Variants in ZNF792 observed in about 807,000 individuals in gnomAD.
The protein encoded by ZNF792 is zinc finger protein 792.
ZNF792 carries 14 observed loss-of-function variants against 13.1 expected under a neutral mutation model. The ratio of observed to expected loss-of-function variants is 1.07; its 90% CI spans 0.71 to 1.67. The LOEUF (loss-of-function observed/expected upper bound fraction) is 1.67, where lower values mean the gene tolerates loss of function less well. Ranked by LOEUF, ZNF792 falls within the 40% of genes most tolerant of loss-of-function variation. The pLI is 0.00. For synonymous variants in ZNF792, 257 were observed against 292.0 expected, an observed-to-expected ratio of 0.88 and a Z score of 1.22; for missense variants, 740 against 807.9, an observed-to-expected ratio of 0.92 and a Z score of 1.02.
In ZNF792 at chr19:34,960,290, G is replaced by C. The variant is rs762692813; in HGVS notation, c.228C>G (p.Asp76Glu). The change falls in exon 3 of 4, where the codon GAC becomes GAG. Residue 76 changes from aspartate (D) to glutamate (E), a missense_variant. Coordinates refer to ENST00000404801, the MANE Select transcript of ZNF792 (RefSeq NM_175872.5). ...CCATGGCTGATGTCATATCCACACT[G>C]TCAGGCACCCAGGGCTCTTTCCCCA... ...LEMGKEPWVP[D>E]SVDMTSAMAR... is the part of the protein sequence containing the mutation. 3 of 1,613,820 alleles carry C rather than the reference G, an allele frequency of 1.9e-6. No homozygotes were observed. Among genetic ancestry groups the C allele is most frequent in the Admixed American group, 3.3e-5 (2 of 60,006 alleles).
intron 1 of ZNF792, among the ~76,000 whole-genome samples, chr19:34,962,377 A>T (rs2013542144): frequency 6.6e-6 from 1 of 152,186 alleles, no homozygotes; most frequent in Non-Finnish European, 1.5e-5. Flanking sequence ...CCCTGGTTGG[A>T]GGCTCCTGTT....
rs1314644484 is a variant in ZNF792, at chr19:34,957,067, G to T, written c.*889C>A. On this transcript the variant is annotated 3_prime_UTR_variant, in exon 4 of 4. Transcript: ENST00000404801. ...TTCTGTACAAATTATGGTCCCAGCT[G>T]GGCCTGGTATGTCTTACAGTTAAGA... The T allele has an allele frequency of 2.0e-5, 3 of 152,176 alleles. No individual in the cohort carries two copies. The highest frequency in any genetic ancestry group is 2.9e-5 in the Non-Finnish European group (2 of 68,046). 9.4% of individuals were successfully genotyped at this position (152,176 alleles called of 1,614,324 possible).
chr19:34,962,089 AC>A (rs2013536562), intron 1 of ZNF792, among the ~76,000 whole-genome samples: 1 of 151,954 alleles, frequency 6.6e-6, no homozygotes, highest in Non-Finnish European at 1.5e-5. Flanking sequence ...CCAAGCAAGA[AC>A]CCTGCTCTCA....
Position 34,964,033 on chromosome 19 carries a change from G to C in ZNF792, c.-371C>G. 4.0e-6 allele frequency: 1 copy of C among 248,354 alleles called. No homozygotes were observed. The highest frequency in any genetic ancestry group is 7.7e-5 in the East Asian group (1 of 12,908). The allele number at this position is 248,354 out of a possible 1,614,324, so 15.4% of individuals were successfully genotyped here. A position where few individuals can be genotyped will look rare whatever the true frequency, so the allele number is the denominator to read the frequency against. On this transcript the variant is annotated 5_prime_UTR_variant, in exon 1 of 4. Transcript: ENST00000404801. ...CCCAACTCGGGGTCCCCAGCTCCTG[G>C]GGACTCAGCCTCCCCGCCGGGAAAT...
chr19:34,958,585 A>C lies in ZNF792; in HGVS notation c.1270T>G (p.Cys424Gly). The part of the protein sequence containing the change: ...RVHTGERPYK[C>G]NECGKFFSHI... ...CTGAAGAATTTCCCACATTCGTTAC[A>C]CTTGTAAGGTCTTTCTCCAGTGTGA... The change falls in exon 4 of 4, where the codon TGT becomes GGT. Residue 424 changes from cysteine to glycine, a missense_variant. Cys to Gly is a radical substitution (Grantham distance 159). Transcript: ENST00000404801. The C allele has an allele frequency of 6.2e-7, 1 of 1,605,926 alleles. No homozygotes were observed. Among genetic ancestry groups the C allele is most frequent in the Non-Finnish European group, 8.5e-7 (1 of 1,175,072 alleles).
At chr19:34,963,569 C>T (rs2013559029) in intron 1 of ZNF792, 61 bp downstream of exon 1, 1 of 1,575,696 alleles carries the variant, frequency 6.3e-7, no homozygotes, top group Non-Finnish European at 8.6e-7. Flanking sequence ...TTTTGCGTCT[C>T]AACACCGAGA....
In ZNF792 at chr19:34,958,375, T is replaced by G. The variant is rs1180413672; in HGVS notation, c.1480A>C (p.Asn494His). ...GKLFSQSSSL[N>H]SHRRLHTGER... Reference sequence around the variant, plus strand: ...CCAGTGTGAAGTCTCCGATGGCTATTGAGGCTGGAGCTCTGGCTAAATAAC... The same window carrying G: ...CCAGTGTGAAGTCTCCGATGGCTATGGAGGCTGGAGCTCTGGCTAAATAAC... The change falls in exon 4 of 4, where the codon AAT becomes CAT. Residue 494 changes from asparagine to histidine, a missense_variant. Physicochemically the swap from Asn to His is moderately conservative, Grantham distance 68 (BLOSUM62 1). Coordinates refer to ENST00000404801, the MANE Select transcript of ZNF792 (RefSeq NM_175872.5). The G allele has an allele frequency of 1.2e-6, 2 of 1,613,816 alleles. No homozygotes were observed. Among genetic ancestry groups the G allele is most frequent in the Non-Finnish European group, 1.7e-6 (2 of 1,179,844 alleles).
Position 34,957,849 on chromosome 19 carries a change from T to C in ZNF792, c.*107A>G. ...CTCTTTGGAGAGCTGCAGTGTGTGG[T>C]GCTGACATGGCTTCTATCACAACCC... is the stretch of plus-strand genomic sequence containing the variant. On this transcript the variant is annotated 3_prime_UTR_variant, in exon 4 of 4. Coordinates refer to ENST00000404801, the MANE Select transcript of ZNF792 (RefSeq NM_175872.5). 1 of 1,142,962 alleles carries C rather than the reference T, an allele frequency of 8.7e-7. No individual in the cohort carries two copies. The highest frequency in any genetic ancestry group is 1.6e-5 in the African/African-American group (1 of 63,986). The allele number at this position is 1,142,962 out of a possible 1,614,324, so 70.8% of individuals were successfully genotyped here. A position where few individuals can be genotyped will look rare whatever the true frequency, so the allele number is the denominator to read the frequency against.
intron 3 of ZNF792, among the ~76,000 whole-genome samples, chr19:34,959,927 T>A (rs1040556397): frequency 6.6e-6 from 1 of 152,190 alleles, no homozygotes; most frequent in African/African-American, 2.4e-5. Context: ...ACTGAGTAGC[T>A]GGTGTTCAAG....
chr19:34,960,991 A>G lies in ZNF792; in HGVS notation c.37T>C (p.Cys13Arg), dbSNP rs775335420. ...AAALRDPAQG[C>R]VTFEDVTIYF... ...ATGGTCACGTCCTCAAAGGTCACGC[A>G]GCCCTGCCATGATGGGGACAGTTCG... The change falls in exon 2 of 4, where the codon TGC becomes CGC. Residue 13 changes from cysteine (C) to arginine (R), a missense_variant. Transcript: ENST00000404801. 1.1e-5 allele frequency: 17 copies of G among 1,612,696 alleles called. No homozygotes were observed. Among genetic ancestry groups the G allele is most frequent in the Non-Finnish European group, 1.4e-5 (16 of 1,179,234 alleles).
Position 34,959,152 on chromosome 19 carries a change from C to T in ZNF792, c.703G>A (p.Gly235Arg), listed in dbSNP as rs1273549149. Residue 235 changes from glycine (G) to arginine (R), a missense_variant, in exon 4 of 4, where the codon GGG becomes AGG. Gly to Arg is a moderately radical substitution (Grantham distance 125). Transcript: ENST00000404801. Reference sequence around the variant, plus strand: ...CCTTCGGTGGCCTCGTGCGGCTCCCCATCGCTGGGAGTGACCTCACACTGC... The same window carrying T: ...CCTTCGGTGGCCTCGTGCGGCTCCCTATCGCTGGGAGTGACCTCACACTGC... ...FLQCEVTPSD[G>R]EPHEATEGVV... 1.9e-6 allele frequency: 3 copies of T among 1,613,804 alleles called. No homozygotes were observed. In the South Asian group the frequency reaches 3.3e-5, roughly 18 times the overall value.
Position 34,958,882 on chromosome 19 carries a change from G to C in ZNF792, c.973C>G (p.Leu325Val), listed in dbSNP as rs1214898005. Residue 325 changes from leucine (L) to valine (V), a missense_variant, in exon 4 of 4, where the codon CTT becomes GTT. By Grantham distance (32) the Leu-to-Val change is conservative. Transcript: ENST00000404801. Reference protein sequence around the residue: ...CGKFFSQHSSLVKHRRVHTGE... With the variant: ...CGKFFSQHSSVVKHRRVHTGE... The stretch of plus-strand genomic sequence containing the variant: ...GTGTGAACCCTGCGATGTTTAACAA[G>C]GCTGGAGTGCTGGCTGAAGAATTTT... The C allele has an allele frequency of 6.2e-7, 1 of 1,613,632 alleles. No individual in the cohort carries two copies. The highest frequency in any genetic ancestry group is 1.1e-5 in the South Asian group (1 of 91,036).
At position 34,959,529 on chromosome 19, in the gene ZNF792, T is replaced by C. The variant is rs759081062; in HGVS notation, c.326A>G (p.His109Arg). ...GTEGKDLPSEHNVSVEGVAQD... is the reference protein window; with the variant it reads ...GTEGKDLPSERNVSVEGVAQD... ...TGCCACTCCTTCTACAGAAACGTTATGCTCAGAAGGTAAGTCCTTGCCCTC... is the reference window on the plus strand; with the variant it reads ...TGCCACTCCTTCTACAGAAACGTTACGCTCAGAAGGTAAGTCCTTGCCCTC... The change falls in exon 4 of 4, where the codon CAT (histidine) becomes CGT (arginine). Residue 109 changes from histidine to arginine, a missense_variant. Transcript: ENST00000404801. 5.1e-6 allele frequency: 8 copies of C among 1,572,968 alleles called. No individual in the cohort carries two copies. The highest frequency in any genetic ancestry group is 6.9e-6 in the Non-Finnish European group (8 of 1,158,898).
intron 2 of ZNF792, 68 bp downstream of exon 2, chr19:34,960,800 C>A: frequency 6.2e-7 from 1 of 1,610,550 alleles, no homozygotes; most frequent in Non-Finnish European, 8.5e-7. Flanking sequence ...AAGGAAAGAG[C>A]TGTTTCTTGG....
Position 34,958,688 on chromosome 19 carries a change from C to T in ZNF792, c.1167G>A (p.Thr389=), listed in dbSNP as rs139829391. 97 of 1,613,774 alleles carry T rather than the reference C, an allele frequency of 6.0e-5. No individual in the cohort carries two copies. In the African/African-American group the frequency reaches 9.1e-4, roughly 15 times the overall value. The change falls in exon 4 of 4, where the codon ACG becomes ACA. Residue 389 remains threonine (T), a synonymous_variant. Coordinates refer to ENST00000404801, the MANE Select transcript of ZNF792 (RefSeq NM_175872.5). ...SNLIHHKRVH[T]GRSAHECSEC... ...CACTGCACTCATGGGCACTTCTGCC[C>T]GTATGAACCCTCTTATGATGAATGA...
At position 34,959,546 on chromosome 19, in the gene ZNF792, C is replaced by T; in HGVS notation, c.309G>A (p.Lys103=). The change falls in exon 4 of 4, where the codon AAG becomes AAA. Residue 103 remains lysine (K), a synonymous_variant. Coordinates refer to ENST00000404801, the MANE Select transcript of ZNF792 (RefSeq NM_175872.5). The part of the protein sequence containing the change: ...GSDFCHGTEG[K]DLPSEHNVSV... ...AAACGTTATGCTCAGAAGGTAAGTCCTTGCCCTCTGTTCCATGGCAAAAAT... is the reference window on the plus strand; with the variant it reads ...AAACGTTATGCTCAGAAGGTAAGTCTTTGCCCTCTGTTCCATGGCAAAAAT... 6.5e-7 allele frequency: 1 copy of T among 1,543,740 alleles called. No homozygotes were observed. The highest frequency in any genetic ancestry group is 8.7e-7 in the Non-Finnish European group (1 of 1,145,876).
chr19:34,963,641 C>T lies in ZNF792; in HGVS notation c.22G>A (p.Asp8Asn), dbSNP rs776750139. The change falls in exon 1 of 4, where the codon GAC becomes AAC. Residue 8 changes from aspartate to asparagine, a missense_variant. By Grantham distance (23) the Asp-to-Asn change is conservative. Coordinates refer to ENST00000404801, the MANE Select transcript of ZNF792 (RefSeq NM_175872.5). The stretch of plus-strand genomic sequence containing the variant: ...GTCCAAGCACTCACCTGCGCGGGGT[C>T]CCGCAGCGCCGCCGCTGCCATCGGA... MAAAALRDPAQGCVTFED... is the reference protein window; with the variant it reads MAAAALRNPAQGCVTFED... The T allele has an allele frequency of 1.9e-6, 3 of 1,602,398 alleles. No homozygotes were observed. The highest frequency in any genetic ancestry group is 2.6e-6 in the Non-Finnish European group (3 of 1,175,582).
chr19:34,960,529 G>T, intron 2 of ZNF792, 172 bp from the exon 3 acceptor site: 1 of 856,920 alleles, frequency 1.2e-6, no homozygotes, highest in Non-Finnish European at 1.8e-6. Context: ...GGAAATATTA[G>T]CAAGAGGAAA....
chr19:34,959,527 T>C lies in ZNF792; in HGVS notation c.328A>G (p.Asn110Asp). ...TGTGCCACTCCTTCTACAGAAACGT[T>C]ATGCTCAGAAGGTAAGTCCTTGCCC... is the stretch of plus-strand genomic sequence containing the variant. ...TEGKDLPSEH[N>D]VSVEGVAQDR... The change falls in exon 4 of 4, where the codon AAC becomes GAC. Residue 110 changes from asparagine (N) to aspartate (D), a missense_variant. Coordinates refer to ENST00000404801, the MANE Select transcript of ZNF792 (RefSeq NM_175872.5). 1.3e-6 allele frequency: 2 copies of C among 1,576,004 alleles called. No individual in the cohort carries two copies. The highest frequency in any genetic ancestry group is 1.7e-6 in the Non-Finnish European group (2 of 1,160,158).
Sources: gnomAD v4.1 joint callset for allele counts (sites outside exome capture counted in the v4.1 genomes callset) on GRCh38, gnomAD v4.1.1 for gene constraint, MANE v1.5 for transcripts, NCBI Gene and HGNC (gene_info 2026-07-23, HGNC 2026-07-21) for gene names.